The following PARD3B variants were observed in gnomAD, a reference collection of about 807,000 sequenced individuals.
PARD3B encodes the protein par-3 family cell polarity regulator beta.
A neutral mutation model predicts 130.2 loss-of-function variants in PARD3B; 103 were observed. That is an observed-to-expected ratio of 0.79 (90% CI 0.67 to 0.93). The LOEUF is 0.93. Ranked by LOEUF, PARD3B falls within the 40% of genes least tolerant of loss-of-function variation. PARD3B has a pLI of 0.00. For missense variants in PARD3B, 1,609 were observed against 1,499.2 expected (o/e 1.07, Z -1.21); for synonymous variants, 583 against 553.2 (o/e 1.05, Z -0.76).
At chr2:204,939,857 T>G (rs1237890405) in intron 2 of PARD3B, among the ~76,000 whole-genome samples, 1 of 152,198 alleles carries the variant, frequency 6.6e-6, no homozygotes, top group Non-Finnish European at 1.5e-5. Flanking sequence ...TATCACACCA[T>G]TATTTCTCAA....
At chr2:205,046,725 A>G (rs1221991618) in intron 3 of PARD3B, among the ~76,000 whole-genome samples, 1 of 152,172 alleles carries the variant, frequency 6.6e-6, no homozygotes, top group Non-Finnish European at 1.5e-5. Context: ...TCTTTTCCCA[A>G]AAGTACAAAA....
At chr2:205,472,434 A>G (rs943328888) in intron 20 of PARD3B, among the ~76,000 whole-genome samples, 3 of 152,208 alleles carry the variant, frequency 2.0e-5, no homozygotes, top group African/African-American at 4.8e-5. Context: ...TTTTCTTTTT[A>G]GAGTACATAG....
chr2:204,990,273 T>TA (rs1165611030), intron 3 of PARD3B, among the ~76,000 whole-genome samples: 1 of 151,850 alleles, frequency 6.6e-6, no homozygotes, highest in Non-Finnish European at 1.5e-5. Context: ...TTTTTTTTTT[T>TA]ACTGATAATA....
chr2:205,542,865 T>C (rs544692868), intron 21 of PARD3B, among the ~76,000 whole-genome samples: 21 of 152,294 alleles, frequency 1.4e-4, no homozygotes, highest in Admixed American at 5.9e-4. Context: ...TTGTAAGGAA[T>C]ATGAAAAGCC....
In PARD3B at chr2:204,998,358, A is replaced by ATATATATG. The variant is rs1400529301; in HGVS notation, c.394+33036_394+33037insATATATGT. Among the ~76,000 whole-genome samples the ATATATATG allele has an allele frequency of 6.2e-4, 43 of 69,756 alleles. 1 individual carries two copies. The highest frequency in any genetic ancestry group is 1.1e-3 in the South Asian group (3 of 2,706). 45.8% of individuals were successfully genotyped at this position (69,756 alleles called of 152,430 possible). On this transcript the variant is annotated intron_variant, in intron 3 of 22. Transcript: ENST00000406610. Reference sequence around the variant, plus strand: ...TATATATATATATATATATATATATATGTGTGTGTGTGTGTGTATATATGT... The same window carrying ATATATATG: ...TATATATATATATATATATATATATATATATATGTGTGTGTGTGTGTGTGTATATATGT...
chr2:205,359,840 T>C (rs1361400302), intron 18 of PARD3B, among the ~76,000 whole-genome samples: 1 of 152,210 alleles, frequency 6.6e-6, no homozygotes, highest in East Asian at 1.9e-4. Context: ...ATACGTGCCC[T>C]GTAATGGAAC....
At chr2:204,810,084 A>G (rs1353442263) in intron 2 of PARD3B, among the ~76,000 whole-genome samples, 1 of 148,842 alleles carries the variant, frequency 6.7e-6, no homozygotes, top group Non-Finnish European at 1.5e-5. Flanking sequence ...TTTAACATTG[A>G]TTTTTTTTTT....
intron 2 of PARD3B, among the ~76,000 whole-genome samples, chr2:204,748,514 G>A (rs2040335989): frequency 6.6e-6 from 1 of 152,032 alleles, no homozygotes. Context: ...TTTTCTCTCT[G>A]TATTTTTATG....
intron 3 of PARD3B, among the ~76,000 whole-genome samples, chr2:205,045,191 A>T (rs1170554513): frequency 6.6e-6 from 1 of 150,742 alleles, no homozygotes; most frequent in Non-Finnish European, 1.5e-5. Context: ...ATACACTATA[A>T]TACTATGGCA....
chr2:204,647,278 A>G (rs2035306410), intron 1 of PARD3B, among the ~76,000 whole-genome samples: 1 of 151,518 alleles, frequency 6.6e-6, no homozygotes, highest in Non-Finnish European at 1.5e-5. Context: ...GTCTTTTTCT[A>G]TTGGGTTGTC....
At chr2:204,672,121 A>G (rs911282882) in intron 1 of PARD3B, among the ~76,000 whole-genome samples, 2 of 152,154 alleles carry the variant, frequency 1.3e-5, no homozygotes, top group African/African-American at 4.8e-5. Context: ...ATTGTAGGCA[A>G]TACTACATTG....
rs750425128 is a variant in PARD3B, at chr2:205,291,280, A to G, written c.2186-9250A>G. ...ACGACAAAAAACACCAACACCACCAACACCACCATCACAAGAGGAGAGCTG... is the reference window on the plus strand; with the variant it reads ...ACGACAAAAAACACCAACACCACCAGCACCACCATCACAAGAGGAGAGCTG... On this transcript the variant is annotated intron_variant, in intron 16 of 22. Coordinates refer to ENST00000406610, the MANE Select transcript of PARD3B (RefSeq NM_001302769.2). This position sits in a 1 kb window ranked among gnomAD's most constrained non-coding sequence, Gnocchi z 4.6. 6.6e-6 allele frequency among the ~76,000 whole-genome samples: 1 copy of G among 152,184 alleles called. No individual in the cohort carries two copies. The highest frequency in any genetic ancestry group is 2.4e-5 in the African/African-American group (1 of 41,448).
chr2:204,686,153 C>T (rs762137575), intron 1 of PARD3B, 28 bp from the exon 2 acceptor site: 1 of 1,436,676 alleles, frequency 7.0e-7, no homozygotes, highest in Admixed American at 1.7e-5. Context: ...TAGATTAGGT[C>T]ATTAAACTTG....
Position 204,984,228 on chromosome 2 carries a change from A to T in PARD3B, c.394+18905A>T, listed in dbSNP as rs530884000. ...ATTTCTCTTTAAAAGGTCTCAACTT[A>T]CATTATTGGACAAATACTAGTAAAT... On this transcript the variant is annotated intron_variant, in intron 3 of 22. Transcript: ENST00000406610. Among the ~76,000 whole-genome samples the T allele has an allele frequency of 6.6e-5, 10 of 152,158 alleles. 1 individual carries two copies. The highest frequency in any genetic ancestry group is 1.5e-4 in the Non-Finnish European group (10 of 68,032).
chr2:205,330,654 G>T (rs567050966), intron 18 of PARD3B, among the ~76,000 whole-genome samples: 1 of 152,130 alleles, frequency 6.6e-6, no homozygotes, highest in South Asian at 2.1e-4. Flanking sequence ...AAAAGAGTAT[G>T]ATTTCAATTT....
intron 1 of PARD3B, among the ~76,000 whole-genome samples, chr2:204,578,887 A>G (rs990946029): frequency 1.3e-5 from 2 of 152,080 alleles, no homozygotes; most frequent in African/African-American, 2.4e-5. Context: ...TTCAGCTAAT[A>G]GGGCAGGAAA....
At chr2:205,002,974 C>G (rs997368651) in intron 3 of PARD3B, among the ~76,000 whole-genome samples, 4 of 152,176 alleles carry the variant, frequency 2.6e-5, no homozygotes, top group East Asian at 3.9e-4. Flanking sequence ...CCAGCACTTG[C>G]ACTGGTCGAA....
chr2:205,355,854 G>T (rs1344093096), intron 18 of PARD3B, among the ~76,000 whole-genome samples: 1 of 152,164 alleles, frequency 6.6e-6, no homozygotes, highest in Non-Finnish European at 1.5e-5. Context: ...AAGGAGAAGT[G>T]CCAAGGGAAG....
intron 20 of PARD3B, among the ~76,000 whole-genome samples, chr2:205,484,638 C>T (rs2049368444): frequency 1.3e-5 from 2 of 152,122 alleles, no homozygotes; most frequent in African/African-American, 4.8e-5. Context: ...GCTAATAAAG[C>T]TGTTGGAACG....
Sources: gnomAD v4.1 joint callset for allele counts (sites outside exome capture counted in the v4.1 genomes callset) on GRCh38, gnomAD v4.1.1 for gene constraint, Gnocchi (gnomAD v3.1) non-coding constraint, MANE v1.5 for transcripts, NCBI Gene and HGNC (gene_info 2026-07-23, HGNC 2026-07-21) for gene names.